The following DNAH6 variants were observed in gnomAD, a reference collection of about 807,000 sequenced individuals.
DNAH6 encodes the protein axonemal beta dynein heavy chain 6.
In DNAH6, 340 loss-of-function variants were observed where a neutral mutation model predicts 491.4. That is an observed-to-expected ratio of 0.69 (90% CI 0.63 to 0.76). The LOEUF (loss-of-function observed/expected upper bound fraction) is 0.76. Ranked by LOEUF, DNAH6 falls within the 30% of genes least tolerant of loss-of-function variation. DNAH6 has a pLI of 0.00. For synonymous variants in DNAH6, 1,603 were observed against 1,686.1 expected, an observed-to-expected ratio of 0.95 and a Z score of 1.21; for missense variants, 4,443 against 4,972.2, an observed-to-expected ratio of 0.89 and a Z score of 3.20.
chr2:84,727,697 T>G lies in DNAH6; in HGVS notation c.10001T>G (p.Val3334Gly), dbSNP rs1183852281. ...QLFNTTIETS[V>G]KTENLQQRLD... ...TTCAATACCACCATTGAAACTTCTG[T>G]AAAGACAGAAAATCTACAACAGCGC... The change falls in exon 61 of 77, where the codon GTA (valine) becomes GGA (glycine). Residue 3334 changes from valine to glycine, a missense_variant. Val to Gly is a moderately radical substitution (Grantham distance 109, BLOSUM62 -3). Transcript: ENST00000389394. 6.4e-7 allele frequency: 1 copy of G among 1,550,890 alleles called. No homozygotes were observed. The highest frequency in any genetic ancestry group is 8.7e-7 in the Non-Finnish European group (1 of 1,146,334).
chr2:84,663,111 G>A (rs1272827760), intron 37 of DNAH6, among the ~76,000 whole-genome samples: 3 of 152,146 alleles, frequency 2.0e-5, no homozygotes, highest in African/African-American at 4.8e-5. Context: ...AAGACCAAAG[G>A]TAGATAAAAC....
intron 53 of DNAH6, 124 bp downstream of exon 53, chr2:84,707,143 AG>A: frequency 9.0e-7 from 1 of 1,113,934 alleles, no homozygotes; most frequent in Non-Finnish European, 1.2e-6. Flanking sequence ...TTAGCCTCCT[AG>A]GATCAAATAA....
chr2:84,699,845 A>G (rs1037233482), intron 48 of DNAH6, 111 bp downstream of exon 48: 1 of 1,045,794 alleles, frequency 9.6e-7, no homozygotes, highest in African/African-American at 1.6e-5. Context: ...TTTAAAGCCT[A>G]CTAGGAATTT....
intron 12 of DNAH6, among the ~76,000 whole-genome samples, chr2:84,575,033 G>A (rs1292775753): frequency 6.6e-6 from 1 of 152,052 alleles, no homozygotes; most frequent in Non-Finnish European, 1.5e-5. Context: ...CACTCTGATG[G>A]CTGCGACTTT....
In DNAH6 at chr2:84,812,409, G is replaced by A. The variant is rs1233172564; in HGVS notation, c.11808G>A (p.Val3936=). Residue 3936 remains valine (V), a synonymous_variant, in exon 73 of 77, where the codon GTG becomes GTA. Transcript: ENST00000389394. ...TGATGTCTGAAGAAATGGAAAAAGT[G>A]TATAACAGTTTCCTCAACAACCAGG... is the stretch of plus-strand genomic sequence containing the variant. ...FVVMSEEMEK[V]YNSFLNNQVP... 3.2e-6 allele frequency: 5 copies of A among 1,551,826 alleles called. No individual in the cohort carries two copies. The highest frequency in any genetic ancestry group is 2.0e-5 in the Admixed American group (1 of 51,010).
chr2:84,583,799 C>G (rs370318282), intron 14 of DNAH6, among the ~76,000 whole-genome samples, 200 bp from the exon 15 acceptor site: 1 of 148,926 alleles, frequency 6.7e-6, no homozygotes, highest in African/African-American at 2.6e-5. Context: ...GACTGTGAGT[C>G]CTCCCCAGCC....
intron 11 of DNAH6, among the ~76,000 whole-genome samples, chr2:84,559,060 T>A (rs140862029): frequency 3.3e-5 from 5 of 152,274 alleles, no homozygotes; most frequent in African/African-American, 1.2e-4. Context: ...ATTGTAACTG[T>A]CATGGTATGA....
intron 11 of DNAH6, among the ~76,000 whole-genome samples, chr2:84,571,835 T>C (rs778873655): frequency 6.6e-6 from 1 of 151,676 alleles, no homozygotes; most frequent in Non-Finnish European, 1.5e-5. Flanking sequence ...GGAGAATTGC[T>C]TGAGCCCGAG....
At chr2:84,761,255 G>A (rs183147456) in intron 63 of DNAH6, among the ~76,000 whole-genome samples, 1 of 152,160 alleles carries the variant, frequency 6.6e-6, no homozygotes, top group East Asian at 1.9e-4. Flanking sequence ...CACTCAGAAG[G>A]GAGAGCTAAA....
At chr2:84,465,727 C>T in the DNAH6 span, among the ~76,000 whole-genome samples, 3 of 152,154 alleles carry the variant, frequency 2.0e-5, no homozygotes, top group African/African-American at 4.8e-5. Context: ...CAAATTTTTA[C>T]ATTACCCAAC....
intron 2 of DNAH6, among the ~76,000 whole-genome samples, chr2:84,521,656 G>A (rs1367671816): frequency 6.6e-6 from 1 of 152,092 alleles, no homozygotes; most frequent in Non-Finnish European, 1.5e-5. Flanking sequence ...TGTATATGGT[G>A]TAAGGAAAGG....
chr2:84,655,789 T>C (rs540061561), intron 35 of DNAH6, among the ~76,000 whole-genome samples: 48 of 152,280 alleles, frequency 3.2e-4, no homozygotes, highest in Admixed American at 7.2e-4. Flanking sequence ...ATTAACACTT[T>C]GCATAAATGG....
At chr2:84,468,178 TATTTG>T in the DNAH6 span, among the ~76,000 whole-genome samples, 2 of 152,258 alleles carry the variant, frequency 1.3e-5, no homozygotes, top group African/African-American at 2.4e-5. Flanking sequence ...ACTTTCAAAA[TATTTG>T]ATTTAAGTGC....
chr2:84,497,766 GAATA>G, the DNAH6 span, among the ~76,000 whole-genome samples: 6 of 152,118 alleles, frequency 3.9e-5, no homozygotes, highest in Non-Finnish European at 7.4e-5. Flanking sequence ...AATCATTATT[GAATA>G]ACCAAAGGCC....
At chr2:84,579,727 G>A in intron 14 of DNAH6, 48 bp downstream of exon 14, 2 of 1,471,156 alleles carry the variant, frequency 1.4e-6, no homozygotes, top group Non-Finnish European at 1.8e-6. Context: ...CTTATAGTAG[G>A]AAGGAAGACA....
intron 64 of DNAH6, among the ~76,000 whole-genome samples, chr2:84,766,400 A>T (rs528222405): frequency 2.6e-5 from 4 of 152,356 alleles, no homozygotes; most frequent in African/African-American, 7.2e-5. Context: ...ATTTTGGGAA[A>T]CAAAAAAATG....
the DNAH6 span, among the ~76,000 whole-genome samples, chr2:84,507,086 T>C: frequency 6.6e-6 from 1 of 152,202 alleles, no homozygotes; most frequent in Non-Finnish European, 1.5e-5. Context: ...AAAGTAGTTT[T>C]TTCCAATTCT....
intron 64 of DNAH6, among the ~76,000 whole-genome samples, chr2:84,772,182 T>A (rs1265500906): frequency 1.3e-5 from 2 of 152,114 alleles, no homozygotes; most frequent in Non-Finnish European, 2.9e-5. Context: ...GTCCATGACA[T>A]GATCACTATG....
At chr2:84,572,151 T>A (rs2103936785) in intron 11 of DNAH6, among the ~76,000 whole-genome samples, 1 of 152,306 alleles carries the variant, frequency 6.6e-6, no homozygotes. Context: ...TGTCCTTGTG[T>A]TTAGTAAGTA....
Sources: allele counts gnomAD v4.1 joint callset (sites outside exome capture counted in the v4.1 genomes callset), GRCh38; gene constraint gnomAD v4.1.1; transcripts MANE v1.5; gene names NCBI Gene and HGNC (gene_info 2026-07-23, HGNC 2026-07-21).